The following IFT56 variants were observed in gnomAD, a reference collection of about 807,000 sequenced individuals.
The protein encoded by IFT56 is intraflagellar transport 56.
the IFT56 span, among the ~76,000 whole-genome samples, chr7:139,183,830 A>G: frequency 2.0e-5 from 3 of 152,328 alleles, no homozygotes; most frequent in South Asian, 6.2e-4. Flanking sequence ...AAATTTTAAT[A>G]TTTAAATGTT....
At chr7:139,135,937 T>G in the IFT56 span, among the ~76,000 whole-genome samples, 1 of 152,172 alleles carries the variant, frequency 6.6e-6, no homozygotes, top group Non-Finnish European at 1.5e-5. Context: ...TTTTTTCTTT[T>G]TTTGAGTTGG....
At chr7:139,165,045 C>A in the IFT56 span, 1 of 999,760 alleles carries the variant, frequency 1.0e-6, no homozygotes, top group Non-Finnish European at 1.4e-6. Context: ...ATCATGAACC[C>A]AGTTATATAT....
At chr7:139,150,822 C>A in the IFT56 span, among the ~76,000 whole-genome samples, 4 of 152,172 alleles carry the variant, frequency 2.6e-5, no homozygotes, top group Non-Finnish European at 5.9e-5. Flanking sequence ...GTAACTTGTT[C>A]AGGCTTACAC....
chr7:139,140,943 C>T, the IFT56 span, among the ~76,000 whole-genome samples: 1 of 145,396 alleles, frequency 6.9e-6, no homozygotes, highest in Non-Finnish European at 1.5e-5. Flanking sequence ...AAACATGGAA[C>T]TTGAAGACTT....
chr7:139,152,203 T>C, the IFT56 span, among the ~76,000 whole-genome samples: 1 of 152,228 alleles, frequency 6.6e-6, no homozygotes, highest in Non-Finnish European at 1.5e-5. Context: ...CATAGCTCAT[T>C]GCAGCCTCAA....
At chr7:139,146,894 G>A in the IFT56 span, 2 of 904,326 alleles carry the variant, frequency 2.2e-6, no homozygotes, top group South Asian at 3.3e-5. Context: ...ATAAGGGGAA[G>A]GGTCAAATAG....
the IFT56 span, chr7:139,173,269 C>A: frequency 2.2e-6 from 1 of 453,692 alleles, no homozygotes; most frequent in Non-Finnish European, 3.9e-6. Context: ...CTCTTGTTGC[C>A]CAGACTGGAG....
the IFT56 span, chr7:139,147,228 C>T: frequency 2.5e-6 from 4 of 1,613,556 alleles, no homozygotes; most frequent in African/African-American, 1.3e-5. Context: ...CCTCAATCCA[C>T]TATATGCGAT....
chr7:139,162,319 T>C, the IFT56 span, among the ~76,000 whole-genome samples: 3 of 152,088 alleles, frequency 2.0e-5, no homozygotes, highest in Non-Finnish European at 4.4e-5. Flanking sequence ...GCATCCCAGG[T>C]GGATACAATA....
the IFT56 span, among the ~76,000 whole-genome samples, chr7:139,186,844 C>T: frequency 6.6e-6 from 1 of 151,736 alleles, no homozygotes; most frequent in Admixed American, 6.6e-5. Flanking sequence ...CCTGTAATCC[C>T]AGCACTTTGG....
At chr7:139,178,913 A>G in the IFT56 span, among the ~76,000 whole-genome samples, 1 of 152,160 alleles carries the variant, frequency 6.6e-6, no homozygotes, top group African/African-American at 2.4e-5. Flanking sequence ...AAAAAAAATT[A>G]CAATGTGAAT....
At chr7:139,188,506 A>T in the IFT56 span, among the ~76,000 whole-genome samples, 1 of 152,260 alleles carries the variant, frequency 6.6e-6, no homozygotes, top group African/African-American at 2.4e-5. Flanking sequence ...AAATGTGTTA[A>T]TTTTGTAAGA....
chr7:139,160,579 G>T, the IFT56 span, among the ~76,000 whole-genome samples: 6 of 152,002 alleles, frequency 3.9e-5, no homozygotes, highest in Non-Finnish European at 7.4e-5. Context: ...ACAGGCTCGC[G>T]CTACCACGCC....
chr7:139,188,388 A>T, the IFT56 span, among the ~76,000 whole-genome samples: 1 of 152,206 alleles, frequency 6.6e-6, no homozygotes, highest in East Asian at 1.9e-4. Context: ...GGCATGAGCC[A>T]CCATGCCCAG....
the IFT56 span, chr7:139,173,108 C>CT: frequency 1.4e-6 from 1 of 713,020 alleles, no homozygotes; most frequent in East Asian, 2.5e-5. Context: ...GGCTGACTCT[C>CT]TGTGGACTGT....
At chr7:139,140,909 A>G in the IFT56 span, among the ~76,000 whole-genome samples, 1 of 151,138 alleles carries the variant, frequency 6.6e-6, no homozygotes, top group Non-Finnish European at 1.5e-5. Flanking sequence ...ATACATATAA[A>G]GAATTTCAGC....
chr7:139,175,518 G>A, the IFT56 span, among the ~76,000 whole-genome samples: 241 of 152,246 alleles, frequency 1.6e-3, 3 homozygotes, highest in East Asian at 1.9e-4. Context: ...TGGTACATAT[G>A]CACAATGGAA....
chr7:139,154,805 G>T, the IFT56 span, among the ~76,000 whole-genome samples: 1 of 151,926 alleles, frequency 6.6e-6, no homozygotes, highest in Non-Finnish European at 1.5e-5. Context: ...AGATTGTTTT[G>T]GTTACTCTGA....
the IFT56 span, among the ~76,000 whole-genome samples, chr7:139,185,299 G>A: frequency 6.6e-6 from 1 of 151,916 alleles, no homozygotes; most frequent in South Asian, 2.1e-4. Context: ...CAACATACAC[G>A]GTACCAGTGT....
Sources: gnomAD v4.1 joint callset for allele counts (sites outside exome capture counted in the v4.1 genomes callset) on GRCh38, gnomAD v4.1.1 for gene constraint, MANE v1.5 for transcripts, NCBI Gene and HGNC (gene_info 2026-07-23, HGNC 2026-07-21) for gene names.